Variants in MRTFB observed in about 807,000 individuals in gnomAD.
MRTFB encodes myocardin related transcription factor B.
MRTFB carries 29 observed loss-of-function variants against 104.2 expected under a neutral mutation model. The ratio of observed to expected loss-of-function variants is 0.28; its 90% CI spans 0.21 to 0.38. MRTFB has a LOEUF of 0.38. MRTFB is among the 10% of genes least tolerant of loss of function. The probability of loss-of-function intolerance (pLI) is 1.00; values close to 1 mark genes in which losing one functional copy is unlikely to be tolerated. For missense variants in MRTFB, 1,270 were observed against 1,341.6 expected (o/e 0.95, Z 0.83); for synonymous variants, 535 against 519.5 (o/e 1.03, Z -0.41).
intron 2 of MRTFB, among the ~76,000 whole-genome samples, chr16:14,105,184 A>G (rs1293023837): frequency 6.6e-6 from 1 of 152,186 alleles, no homozygotes; most frequent in Non-Finnish European, 1.5e-5. Context: ...AGTGAAAATA[A>G]CTGAGCTGAT....
At chr16:14,194,687 T>G (rs2040345792) in intron 3 of MRTFB, among the ~76,000 whole-genome samples, 1 of 150,842 alleles carries the variant, frequency 6.6e-6, no homozygotes, top group Non-Finnish European at 1.5e-5. Context: ...GAAGTATTTC[T>G]TTTTGTATGC....
chr16:14,201,218 T>G (rs1463640284), intron 3 of MRTFB, among the ~76,000 whole-genome samples: 3 of 152,238 alleles, frequency 2.0e-5, no homozygotes, highest in African/African-American at 7.2e-5. Flanking sequence ...GGTGTAGGTA[T>G]GCACATTCCA....
At chr16:14,144,270 A>C (rs2038175776) in intron 3 of MRTFB, 1 of 152,222 alleles carries the variant, frequency 6.6e-6, no homozygotes, top group Admixed American at 6.5e-5. Context: ...CTCTTTTCTA[A>C]TAAATGACTT....
At chr16:14,062,735 T>G in the MRTFB span, among the ~76,000 whole-genome samples, 2 of 152,166 alleles carry the variant, frequency 1.3e-5, no homozygotes, top group African/African-American at 4.8e-5. Flanking sequence ...AACTTGAGGC[T>G]AAGCTTCTAG....
chr16:14,017,687 G>GTGTATATATATA, the MRTFB span, among the ~76,000 whole-genome samples: 1 of 6,812 alleles, frequency 1.5e-4, no homozygotes, highest in Non-Finnish European at 4.8e-4. Flanking sequence ...GTGTGTGTGT[G>GTGTATATATATA]TATATATATA....
At chr16:14,200,762 C>A (rs2040661673) in intron 3 of MRTFB, 7 of 1,475,698 alleles carry the variant, frequency 4.7e-6, no homozygotes, top group Admixed American at 3.4e-5. Context: ...CTGTCCAGTG[C>A]TGTGGGTGAT....
chr16:14,061,725 A>G, the MRTFB span, among the ~76,000 whole-genome samples: 2 of 152,048 alleles, frequency 1.3e-5, no homozygotes, highest in Admixed American at 6.5e-5. Flanking sequence ...ACACCCATCA[A>G]AGAGAGAGTC....
At chr16:14,049,590 A>T in the MRTFB span, among the ~76,000 whole-genome samples, 1 of 152,158 alleles carries the variant, frequency 6.6e-6, no homozygotes, top group African/African-American at 2.4e-5. Context: ...AATGACTGAA[A>T]TGACTTCATT....
At chr16:14,044,053 G>C in the MRTFB span, among the ~76,000 whole-genome samples, 2 of 152,152 alleles carry the variant, frequency 1.3e-5, no homozygotes, top group Non-Finnish European at 2.9e-5. Context: ...TGCCATTTAG[G>C]TGATCCCACC....
At chr16:14,064,991 G>A in the MRTFB span, among the ~76,000 whole-genome samples, 2 of 152,184 alleles carry the variant, frequency 1.3e-5, no homozygotes, top group Admixed American at 1.3e-4. Flanking sequence ...CTAAGTGTGT[G>A]CAGAATGTCA....
chr16:14,017,645 A>G, the MRTFB span, among the ~76,000 whole-genome samples: 77 of 53,388 alleles, frequency 1.4e-3, 5 homozygotes, highest in African/African-American at 4.0e-3. Flanking sequence ...ATATATGTAT[A>G]TATGTGTGTG....
chr16:14,015,036 A>T, the MRTFB span, among the ~76,000 whole-genome samples: 1 of 152,126 alleles, frequency 6.6e-6, no homozygotes, highest in Non-Finnish European at 1.5e-5. Context: ...GCTAGCTAGG[A>T]TTTCATACTA....
At chr16:14,190,361 C>T (rs565215393) in intron 3 of MRTFB, among the ~76,000 whole-genome samples, 3 of 152,274 alleles carry the variant, frequency 2.0e-5, no homozygotes, top group Admixed American at 1.3e-4. Flanking sequence ...TCTGGATCTA[C>T]AGCTAAGAAG....
chr16:14,049,141 C>G, the MRTFB span, among the ~76,000 whole-genome samples: 1 of 152,204 alleles, frequency 6.6e-6, no homozygotes, highest in East Asian at 1.9e-4. Flanking sequence ...AAACACCCTA[C>G]AGCTCATAGG....
the MRTFB span, among the ~76,000 whole-genome samples, chr16:14,054,514 G>T: frequency 6.6e-6 from 1 of 152,194 alleles, no homozygotes; most frequent in South Asian, 2.1e-4. Flanking sequence ...ACCATGACCG[G>T]CCCTTTTCAT....
chr16:14,056,100 T>C, the MRTFB span, among the ~76,000 whole-genome samples: 6 of 152,176 alleles, frequency 3.9e-5, no homozygotes, highest in African/African-American at 7.2e-5. Flanking sequence ...TGCTTCAGCT[T>C]CCCAACAAGC....
chr16:14,140,773 T>G lies in MRTFB; in HGVS notation c.154+13T>G, dbSNP rs1481794760. ...GAAAGGAAAAATGGTGAGTTCAGCA[T>G]GTGCAATGGGATCTTTGATTTAAAG... On this transcript the variant is annotated intron_variant, in intron 3 of 16. Coordinates refer to ENST00000571589, the MANE Select transcript of MRTFB (RefSeq NM_001308142.2). 1 of 1,614,010 alleles carries G rather than the reference T, an allele frequency of 6.2e-7. No individual in the cohort carries two copies. Among genetic ancestry groups the G allele is most frequent in the South Asian group, 1.1e-5 (1 of 91,070 alleles).
the MRTFB span, among the ~76,000 whole-genome samples, chr16:14,059,956 T>C: frequency 6.6e-6 from 1 of 150,782 alleles, no homozygotes; most frequent in South Asian, 2.1e-4. Context: ...AGAACCCTTC[T>C]CAACTTCAAT....
rs1166306248 is a variant in MRTFB at position 14,210,302 on chromosome 16, A to T, written c.214A>T (p.Met72Leu). 3 of 1,612,696 alleles carry T rather than the reference A, an allele frequency of 1.9e-6. No individual in the cohort carries two copies. Among genetic ancestry groups the T allele is most frequent in the South Asian group, 2.2e-5 (2 of 90,762 alleles). ...TREQLVDQGI[M>L]PPLKSPAAFH... ...AGAACAACTAGTGGACCAGGGCATCATGCCACGTAAGATTTATACCATCAC... is the reference window on the plus strand; with the variant it reads ...AGAACAACTAGTGGACCAGGGCATCTTGCCACGTAAGATTTATACCATCAC... Residue 72 changes from methionine (M) to leucine (L), a missense_variant, in exon 4 of 17, where the codon ATG (methionine) becomes TTG (leucine). Met to Leu is a conservative substitution (Grantham distance 15). Around this residue, in one of 3 missense-constraint regions of MRTFB, gnomAD observed 64 missense variants for 152.9 expected, o/e 0.42. Transcript: ENST00000571589.
Sources: allele counts gnomAD v4.1 joint callset (sites outside exome capture counted in the v4.1 genomes callset), GRCh38; gene constraint gnomAD v4.1.1; regional missense constraint gnomAD v4.1.1; transcripts MANE v1.5; gene names NCBI Gene and HGNC (gene_info 2026-07-23, HGNC 2026-07-21).